Variants in ZNF462 observed in about 807,000 individuals in gnomAD.
ZNF462 encodes the protein zinc finger protein 462, also known as zinc finger PBX1-interacting protein.
A neutral mutation model predicts 201.9 loss-of-function variants in ZNF462; 10 were observed. That is an observed-to-expected ratio of 0.05 (90% CI 0.03 to 0.08). The LOEUF is 0.08. Ranked by LOEUF, ZNF462 falls within the 10% of genes least tolerant of loss-of-function variation. The pLI is 1.00. For synonymous variants in ZNF462, 1,227 were observed against 1,193.3 expected (o/e 1.03, Z -0.58); for missense variants, 2,523 against 3,168.3 (o/e 0.80, Z 4.89).
At chr9:106,861,691 C>T (rs1827070484), upstream of ZNF462, among the ~76,000 whole-genome samples, 1 of 152,212 alleles carries the variant, frequency 6.6e-6, no homozygotes, top group South Asian at 2.1e-4. Flanking sequence ...CCCCCATCCC[C>T]AACCCCCACC....
intron 1 of ZNF462, among the ~76,000 whole-genome samples, chr9:106,903,201 C>G (rs1004023940): frequency 6.6e-6 from 1 of 152,024 alleles, no homozygotes; most frequent in Non-Finnish European, 1.5e-5. Flanking sequence ...TCATTCAGGA[C>G]CAGATTATTT....
chr9:106,875,700 C>A (rs1022698855), intron 1 of ZNF462, among the ~76,000 whole-genome samples: 1 of 152,100 alleles, frequency 6.6e-6, no homozygotes, highest in Non-Finnish European at 1.5e-5. Flanking sequence ...ATACTAACAA[C>A]AACCTGTATC....
chr9:106,957,531 A>G (rs1188220138), intron 7 of ZNF462, among the ~76,000 whole-genome samples: 2 of 152,140 alleles, frequency 1.3e-5, no homozygotes, highest in Admixed American at 1.3e-4. Flanking sequence ...TAAACCTTCA[A>G]CTTGGAAAAA....
intron 1 of ZNF462, among the ~76,000 whole-genome samples, chr9:106,910,238 C>A: frequency 6.6e-6 from 1 of 151,818 alleles, no homozygotes; most frequent in East Asian, 1.9e-4. Flanking sequence ...TTGATCTCTT[C>A]TTTCATAGAA....
chr9:107,003,182 TG>T lies in ZNF462; in HGVS notation c.7057-110del. 1 of 1,471,582 alleles carries T rather than the reference TG, an allele frequency of 6.8e-7. No homozygotes were observed. The highest frequency in any genetic ancestry group is 9.2e-7 in the Non-Finnish European group (1 of 1,092,488). The allele number at this position is 1,471,582 out of a possible 1,614,324, so 91.2% of individuals were successfully genotyped here. A position where few individuals can be genotyped will look rare whatever the true frequency, so the allele number is the denominator to read the frequency against. On this transcript the variant is annotated intron_variant, in intron 10 of 12. Coordinates refer to ENST00000277225, the MANE Select transcript of ZNF462 (RefSeq NM_021224.6). This position sits in a 1 kb window ranked among gnomAD's most constrained non-coding sequence, Gnocchi z 4.4. ...CTTAGGCCCCGGAGTTGTTTGGTCC[TG>T]GTTGCAAAACCACAGTCACAGGAAA... is the stretch of plus-strand genomic sequence containing the variant.
intron 9 of ZNF462, chr9:106,979,130 G>C (rs779634930): frequency 1.9e-5 from 3 of 159,990 alleles, no homozygotes; most frequent in African/African-American, 4.9e-5. Flanking sequence ...GAGCTTTCTT[G>C]TTCTCTACTG....
At position 107,011,404 on chromosome 9, in the gene ZNF462, T is replaced by A. The variant is rs1344971265; in HGVS notation, c.*374T>A. The A allele has an allele frequency of 1.2e-5, 2 of 161,240 alleles. No individual in the cohort carries two copies. The highest frequency in any genetic ancestry group is 4.8e-5 in the African/African-American group (2 of 41,728). 10.0% of individuals were successfully genotyped at this position (161,240 alleles called of 1,614,324 possible). A position where few individuals can be genotyped will look rare whatever the true frequency, so the allele number is the denominator to read the frequency against. ...AAGACTTCTCATTGGGGAGCAACTTTTTGACGCACAACTTTTGGTGCGTTT... is the reference window on the plus strand; with the variant it reads ...AAGACTTCTCATTGGGGAGCAACTTATTGACGCACAACTTTTGGTGCGTTT... On this transcript the variant is annotated 3_prime_UTR_variant, in exon 13 of 13. Transcript: ENST00000277225. This position sits in a 1 kb window ranked among gnomAD's most constrained non-coding sequence, Gnocchi z 5.6.
chr9:106,878,947 T>C (rs1461500071), intron 1 of ZNF462, among the ~76,000 whole-genome samples: 1 of 152,222 alleles, frequency 6.6e-6, no homozygotes, highest in Non-Finnish European at 1.5e-5. Flanking sequence ...GACATGCTGC[T>C]GTAAACTGTC....
At chr9:106,971,950 T>G (rs1388001418) in intron 7 of ZNF462, 55 bp from the exon 8 acceptor site, 8 of 1,549,836 alleles carry the variant, frequency 5.2e-6, no homozygotes, top group Non-Finnish European at 6.1e-6. Flanking sequence ...TTTTCAAGCA[T>G]CGATCACCTA....
At chr9:106,867,183 A>G (rs959532163) in intron 1 of ZNF462, among the ~76,000 whole-genome samples, 12 of 152,232 alleles carry the variant, frequency 7.9e-5, no homozygotes, top group African/African-American at 2.9e-4. Flanking sequence ...CAAACACCAT[A>G]ATATTTAAGG....
At position 106,913,859 on chromosome 9, in the gene ZNF462, C is replaced by T. The variant is rs1829655092; in HGVS notation, c.-30-9495C>T. On this transcript the variant is annotated intron_variant, in intron 1 of 12. Transcript: ENST00000277225. This position sits in a 1 kb window ranked among gnomAD's most constrained non-coding sequence, Gnocchi z 4.1. ...TCAAGTGATCTGCCCGCCTCAGCCT[C>T]CCAAAGTGCTAGGATTACAGGCATG... Among the ~76,000 whole-genome samples the T allele has an allele frequency of 6.6e-6, 1 of 150,442 alleles. No homozygotes were observed. The highest frequency in any genetic ancestry group is 6.7e-5 in the Admixed American group (1 of 14,982).
Position 106,938,807 on chromosome 9 carries a change from A to G in ZNF462, c.6236-109A>G. 2 of 1,173,880 alleles carry G rather than the reference A, an allele frequency of 1.7e-6. No individual in the cohort carries two copies. Among genetic ancestry groups the G allele is most frequent in the South Asian group, 1.7e-5 (1 of 60,418 alleles). 72.7% of individuals were successfully genotyped at this position (1,173,880 alleles called of 1,614,324 possible). A position where few individuals can be genotyped will look rare whatever the true frequency, so the allele number is the denominator to read the frequency against. On this transcript the variant is annotated intron_variant, in intron 6 of 12. Transcript: ENST00000277225. The surrounding 1 kb of genome is among the most constrained non-coding windows in gnomAD (Gnocchi z 4.4). ...GTTCGTTCATAGAACATGAAGCTTGAGATGCGCTTCTCTAGCATGAGTTAA... is the reference window on the plus strand; with the variant it reads ...GTTCGTTCATAGAACATGAAGCTTGGGATGCGCTTCTCTAGCATGAGTTAA...
At chr9:106,945,327 C>T (rs1344726297) in intron 7 of ZNF462, among the ~76,000 whole-genome samples, 2 of 152,130 alleles carry the variant, frequency 1.3e-5, no homozygotes, top group South Asian at 2.1e-4. Context: ...TGCAGCAATG[C>T]TTGACAACTA....
intron 7 of ZNF462, among the ~76,000 whole-genome samples, chr9:106,941,521 T>G (rs1388418031): frequency 6.6e-6 from 1 of 152,196 alleles, no homozygotes; most frequent in Non-Finnish European, 1.5e-5. Context: ...GGATTCTTAC[T>G]TTTATCCTTA....
In ZNF462 at chr9:106,880,022, G is replaced by A. The variant is rs1828022102; in HGVS notation, c.-31+16667G>A. Among the ~76,000 whole-genome samples the A allele has an allele frequency of 6.6e-6, 1 of 152,146 alleles. No individual in the cohort carries two copies. The highest frequency in any genetic ancestry group is 1.5e-5 in the Non-Finnish European group (1 of 68,024). On this transcript the variant is annotated intron_variant, in intron 1 of 12. Transcript: ENST00000277225. The surrounding 1 kb of genome is among the most constrained non-coding windows in gnomAD (Gnocchi z 4.1). Reference sequence around the variant, plus strand: ...ATCCTTGTAGCAGTTGAACATGATAGTTGAATTGTTTCTAATATCTGAGAC... The same window carrying A: ...ATCCTTGTAGCAGTTGAACATGATAATTGAATTGTTTCTAATATCTGAGAC...
rs1829886591 is a variant in ZNF462, at chr9:107,010,737, C to T, written c.7314-86C>T. 1.6e-6 allele frequency: 2 copies of T among 1,279,492 alleles called. No homozygotes were observed. The highest frequency in any genetic ancestry group is 3.0e-5 in the African/African-American group (2 of 66,348). 79.3% of individuals were successfully genotyped at this position (1,279,492 alleles called of 1,614,324 possible). ...TTTTTGAGGATCAGGAAAATAAAGACACTCGAGGGTTTTTATTATTTTTTT... is the reference window on the plus strand; with the variant it reads ...TTTTTGAGGATCAGGAAAATAAAGATACTCGAGGGTTTTTATTATTTTTTT... On this transcript the variant is annotated intron_variant, in intron 12 of 12. Coordinates refer to ENST00000277225, the MANE Select transcript of ZNF462 (RefSeq NM_021224.6). The surrounding 1 kb of genome is among the most constrained non-coding windows in gnomAD (Gnocchi z 4.6).
chr9:106,943,059 CGT>C (rs3056311), intron 7 of ZNF462, among the ~76,000 whole-genome samples: 1,969 of 143,154 alleles, frequency 0.014, 31 homozygotes, highest in Admixed American at 0.032. Context: ...TTTGCGCGCG[CGT>C]GTGTGTGTGT....
intron 1 of ZNF462, among the ~76,000 whole-genome samples, chr9:106,906,231 A>T (rs1466949748): frequency 6.6e-6 from 1 of 152,148 alleles, no homozygotes; most frequent in East Asian, 1.9e-4. Context: ...TGGGGCACTC[A>T]CAGTATTTGC....
Position 106,925,642 on chromosome 9 carries a change from A to C in ZNF462, c.1730A>C (p.Gln577Pro). 1 of 1,613,626 alleles carries C rather than the reference A, an allele frequency of 6.2e-7. No homozygotes were observed. The highest frequency in any genetic ancestry group is 1.3e-5 in the African/African-American group (1 of 74,878). ...CAGCCACCACATCAGGTGCCACCCC[A>C]GCCACAAACACAGCCACCACCAACG... ...QLQPPHQVPP[Q>P]PQTQPPPTQQ... The change falls in exon 3 of 13, where the codon CAG (glutamine) becomes CCG (proline). Residue 577 changes from glutamine (Q) to proline (P), a missense_variant. Physicochemically the swap from Gln to Pro is moderately conservative, Grantham distance 76. This residue lies in a region of ZNF462 where 383 missense variants were observed against 453.4 expected (regional missense o/e 0.84). Coordinates refer to ENST00000277225, the MANE Select transcript of ZNF462 (RefSeq NM_021224.6). This position sits in a 1 kb window ranked among gnomAD's most constrained non-coding sequence, Gnocchi z 7.9.
Sources: allele counts gnomAD v4.1 joint callset (sites outside exome capture counted in the v4.1 genomes callset), GRCh38; gene constraint gnomAD v4.1.1; regional missense constraint gnomAD v4.1.1; non-coding constraint Gnocchi (gnomAD v3.1); transcripts MANE v1.5; gene names NCBI Gene and HGNC (gene_info 2026-07-23, HGNC 2026-07-21).